Variants in COL19A1 observed in about 807,000 individuals in gnomAD.
The protein encoded by COL19A1 is collagen type XIX alpha 1 chain, also known as collagen alpha-1(XIX) chain.
COL19A1 carries 159 observed loss-of-function variants against 190.2 expected under a neutral mutation model. The ratio of observed to expected loss-of-function variants is 0.84; its 90% CI spans 0.73 to 0.95. COL19A1 has a LOEUF of 0.95. Among genes scored for constraint, COL19A1 ranks in the 40% least tolerant of loss-of-function variants. COL19A1 has a pLI of 0.00. For missense variants in COL19A1, 1,418 were observed against 1,431.9 expected (o/e 0.99, Z 0.16); for synonymous variants, 509 against 458.9 (o/e 1.11, Z -1.39).
intron 16 of COL19A1, among the ~76,000 whole-genome samples, chr6:70,114,446 A>G (rs1399739904): frequency 1.3e-5 from 2 of 152,222 alleles, no homozygotes; most frequent in African/African-American, 4.8e-5. Context: ...TGTTATGTGT[A>G]AAATAAGGAA....
Position 69,929,409 on chromosome 6 carries a change from C to T in COL19A1, c.391-16C>T. The T allele has an allele frequency of 6.2e-7, 1 of 1,605,286 alleles. No individual in the cohort carries two copies. The highest frequency in any genetic ancestry group is 8.5e-7 in the Non-Finnish European group (1 of 1,175,340). ...TTGATTTTTAAAACATTTAAAGATA[C>T]TTTACATTTTTGCAGATTTCTATAG... On this transcript the variant is annotated splice_polypyrimidine_tract_variant and intron_variant, in intron 5 of 50. Transcript: ENST00000620364.
chr6:69,890,502 G>A (rs1180043273), intron 2 of COL19A1: 1 of 152,120 alleles, frequency 6.6e-6, no homozygotes, highest in East Asian at 1.9e-4. Flanking sequence ...CATTTTCAGT[G>A]TCATCTCTAG....
At chr6:70,023,933 T>A (rs1778587779) in intron 12 of COL19A1, among the ~76,000 whole-genome samples, 1 of 152,184 alleles carries the variant, frequency 6.6e-6, no homozygotes, top group Non-Finnish European at 1.5e-5. Flanking sequence ...GCTTGCAAAT[T>A]TTCTAGTCTT....
intron 10 of COL19A1, among the ~76,000 whole-genome samples, chr6:69,961,077 C>T (rs1005950430): frequency 2.0e-5 from 3 of 152,258 alleles, no homozygotes; most frequent in Admixed American, 6.5e-5. Context: ...CAGATAATCC[C>T]GCCGCAGGAG....
At chr6:70,043,777 C>T (rs1779758914) in intron 14 of COL19A1, among the ~76,000 whole-genome samples, 1 of 152,146 alleles carries the variant, frequency 6.6e-6, no homozygotes, top group South Asian at 2.1e-4. Flanking sequence ...AGAGCACAGG[C>T]AGGGTAAATG....
intron 17 of COL19A1, among the ~76,000 whole-genome samples, chr6:70,123,743 G>A (rs1461842689): frequency 6.8e-6 from 1 of 147,540 alleles, no homozygotes; most frequent in Non-Finnish European, 1.5e-5. Context: ...TCACTCATAG[G>A]TGGGAATTGA....
chr6:70,007,897 A>G lies in COL19A1; in HGVS notation c.1027-15730A>G, dbSNP rs924522116. On this transcript the variant is annotated intron_variant, in intron 11 of 50. Transcript: ENST00000620364. Reference sequence around the variant, plus strand: ...ATGTTTTTGGTCACAATGGAATTAAATTCGACATCAATATTAGAAAAAATC... The same window carrying G: ...ATGTTTTTGGTCACAATGGAATTAAGTTCGACATCAATATTAGAAAAAATC... Among the ~76,000 whole-genome samples, 7 of 152,114 alleles carry G rather than the reference A, an allele frequency of 4.6e-5. 1 individual carries two copies. In the East Asian group the frequency reaches 1.4e-3, roughly 29 times the overall value.
At chr6:69,960,796 T>G (rs889072511) in intron 10 of COL19A1, among the ~76,000 whole-genome samples, 4 of 151,868 alleles carry the variant, frequency 2.6e-5, no homozygotes, top group Non-Finnish European at 5.9e-5. Context: ...CCGGCTAATT[T>G]TTTTTTGTAT....
chr6:69,996,426 T>C (rs917944457), intron 11 of COL19A1, among the ~76,000 whole-genome samples: 2 of 152,144 alleles, frequency 1.3e-5, no homozygotes, highest in East Asian at 1.9e-4. Flanking sequence ...AATCATTTCT[T>C]TACCACTCAT....
At chr6:70,120,917 A>G (rs1395433166) in intron 16 of COL19A1, among the ~76,000 whole-genome samples, 1 of 152,096 alleles carries the variant, frequency 6.6e-6, no homozygotes, top group Non-Finnish European at 1.5e-5. Context: ...GCTTCTTAAA[A>G]TTTTTCTCCA....
chr6:70,009,629 A>G (rs1004536996), intron 11 of COL19A1, among the ~76,000 whole-genome samples: 2 of 149,502 alleles, frequency 1.3e-5, no homozygotes, highest in African/African-American at 5.1e-5. Flanking sequence ...ATGACCTGGT[A>G]TAGCCAAAAT....
At chr6:70,135,728 G>T (rs1317917470) in intron 18 of COL19A1, among the ~76,000 whole-genome samples, 1 of 152,154 alleles carries the variant, frequency 6.6e-6, no homozygotes. Flanking sequence ...GGATCAGAGG[G>T]CAAGGGACGG....
chr6:69,924,045 C>A (rs73746817), intron 4 of COL19A1, among the ~76,000 whole-genome samples: 1 of 152,132 alleles, frequency 6.6e-6, no homozygotes, highest in East Asian at 1.9e-4. Flanking sequence ...AAACCATTGA[C>A]AGGTAGAGTC....
chr6:70,164,540 G>A (rs913125332), intron 36 of COL19A1, among the ~76,000 whole-genome samples: 1 of 152,034 alleles, frequency 6.6e-6, no homozygotes, highest in African/African-American at 2.4e-5. Context: ...TTATCCCAAG[G>A]AGCTTGCCCA....
chr6:69,947,022 T>C (rs528457245), intron 9 of COL19A1, among the ~76,000 whole-genome samples: 2 of 152,002 alleles, frequency 1.3e-5, no homozygotes, highest in South Asian at 4.1e-4. Context: ...TGGCAGAGAC[T>C]GTATGGCCCA....
chr6:69,879,512 C>CA (rs1330661979), intron 1 of COL19A1, 24 bp from the exon 2 acceptor site: 28 of 1,453,756 alleles, frequency 1.9e-5, no homozygotes, highest in Non-Finnish European at 2.7e-5. Context: ...AAACTTTATT[C>CA]AAATTTTTTT....
chr6:70,038,940 T>G (rs1779493006), intron 14 of COL19A1, among the ~76,000 whole-genome samples: 1 of 151,896 alleles, frequency 6.6e-6, no homozygotes, highest in South Asian at 2.1e-4. Context: ...GCCTGTAGTC[T>G]CAGCTACTTG....
intron 4 of COL19A1, among the ~76,000 whole-genome samples, chr6:69,926,258 G>A (rs1772387923): frequency 6.6e-6 from 1 of 151,988 alleles, no homozygotes; most frequent in African/African-American, 2.4e-5. Context: ...GCAAAAAGAA[G>A]GTATGCAAAA....
At chr6:70,106,864 C>T (rs562225657) in intron 16 of COL19A1, among the ~76,000 whole-genome samples, 20 of 152,278 alleles carry the variant, frequency 1.3e-4, no homozygotes, top group South Asian at 4.1e-4. Context: ...CGACTGAGAA[C>T]AGTTTTTCAG....
Sources: allele counts gnomAD v4.1 joint callset (sites outside exome capture counted in the v4.1 genomes callset), GRCh38; gene constraint gnomAD v4.1.1; transcripts MANE v1.5; gene names NCBI Gene and HGNC (gene_info 2026-07-23, HGNC 2026-07-21).